The following DYNC1H1 variants were observed in gnomAD, a reference collection of about 807,000 sequenced individuals.
The protein encoded by DYNC1H1 is dynein cytoplasmic 1 heavy chain 1, also known as cytoplasmic dynein 1 heavy chain 1.
A neutral mutation model predicts 527.1 loss-of-function variants in DYNC1H1; 51 were observed. The observed-to-expected ratio is 0.10, with a 90% confidence interval of 0.08 to 0.12. DYNC1H1 has a LOEUF of 0.12. Among genes scored for constraint, DYNC1H1 ranks in the 10% least tolerant of loss-of-function variants. The probability of loss-of-function intolerance (pLI) is 1.00; values close to 1 mark genes in which losing one functional copy is unlikely to be tolerated. For missense variants in DYNC1H1, 2,771 were observed against 5,971.8 expected, an observed-to-expected ratio of 0.46 and a Z score of 17.66; for synonymous variants, 2,189 against 2,278.8, an observed-to-expected ratio of 0.96 and a Z score of 1.12.
chr14:102,049,697 G>C lies in DYNC1H1; in HGVS notation c.13516-17G>C, dbSNP rs769550484. ...CTGACCTGAGCTCCTTCCCCTGGGG[G>C]CTGCTGCTTTCCACAGAACATCCAC... On this transcript the variant is annotated splice_polypyrimidine_tract_variant and intron_variant, in intron 75 of 77. Transcript: ENST00000360184. The surrounding 1 kb of genome is among the most constrained non-coding windows in gnomAD (Gnocchi z 5.5). 1 of 1,613,894 alleles carries C rather than the reference G, an allele frequency of 6.2e-7. No homozygotes were observed. Among genetic ancestry groups the C allele is most frequent in the South Asian group, 1.1e-5 (1 of 91,080 alleles).
chr14:102,047,033 G>A (rs2048728773), intron 72 of DYNC1H1, among the ~76,000 whole-genome samples: 1 of 152,202 alleles, frequency 6.6e-6, no homozygotes, highest in East Asian at 1.9e-4. Flanking sequence ...GAGCTCTAGA[G>A]ATGCTCCCGC....
At position 102,052,452 on chromosome 14, in the gene DYNC1H1, A is replaced by G. The variant is rs763995710; in HGVS notation, c.*1889A>G. 1 of 152,280 alleles carries G rather than the reference A, an allele frequency of 6.6e-6. No homozygotes were observed. The highest frequency in any genetic ancestry group is 1.5e-5 in the Non-Finnish European group (1 of 68,118). The allele number at this position is 152,280 out of a possible 1,614,324, so 9.4% of individuals were successfully genotyped here. On this transcript the variant is annotated 3_prime_UTR_variant, in exon 78 of 78. Transcript: ENST00000360184. ...CCAGCCCCTAAAAACATTTATGTGC[A>G]TCGACATCAGCTTTGATCAGAAGAG...
intron 23 of DYNC1H1, among the ~76,000 whole-genome samples, chr14:102,003,552 C>T (rs888253067): frequency 6.6e-6 from 1 of 152,210 alleles, no homozygotes; most frequent in Non-Finnish European, 1.5e-5. Context: ...TGAGCCACTG[C>T]ACCCAGCCTC....
chr14:102,033,885 C>G lies in DYNC1H1; in HGVS notation c.10414-91C>G. The G allele has an allele frequency of 6.9e-7, 1 of 1,450,602 alleles. No individual in the cohort carries two copies. Among genetic ancestry groups the G allele is most frequent in the South Asian group, 1.2e-5 (1 of 85,686 alleles). The allele number at this position is 1,450,602 out of a possible 1,614,324, so 89.9% of individuals were successfully genotyped here. ...GCACGTTTCTAACCCACCCAAAACC[C>G]TGCACATAATGTGGATGAACCGATT... On this transcript the variant is annotated intron_variant, in intron 54 of 77. Coordinates refer to ENST00000360184, the MANE Select transcript of DYNC1H1 (RefSeq NM_001376.5). This position sits in a 1 kb window ranked among gnomAD's most constrained non-coding sequence, Gnocchi z 5.6.
chr14:102,041,938 C>T lies in DYNC1H1; in HGVS notation c.12103-75C>T, dbSNP rs184463154. The T allele has an allele frequency of 5.6e-4, 872 of 1,550,308 alleles. No individual in the cohort carries two copies. The highest frequency in any genetic ancestry group is 1.4e-3 in the East Asian group (61 of 44,170). On this transcript the variant is annotated intron_variant, in intron 65 of 77. Transcript: ENST00000360184. This position sits in a 1 kb window ranked among gnomAD's most constrained non-coding sequence, Gnocchi z 4.5. The stretch of plus-strand genomic sequence containing the variant: ...AGAACATCTTCTCAGGCCCCTCACT[C>T]GGGGCTCTCCTTTCCCTTGACAGGT...
Position 102,027,469 on chromosome 14 carries a change from A to C in DYNC1H1, c.8973A>C (p.Ala2991=). ...CTGGCTGTAAAAATGAAAAGATAGC[A>C]TTTATAATGGATGAATCTAATGTGT... The part of the protein sequence containing the change: ...RRSGCKNEKI[A]FIMDESNVLD... The change falls in exon 46 of 78, where the codon GCA becomes GCC. Residue 2991 remains alanine (A), a synonymous_variant. Transcript: ENST00000360184. This position sits in a 1 kb window ranked among gnomAD's most constrained non-coding sequence, Gnocchi z 7.7. The C allele has an allele frequency of 1.2e-6, 2 of 1,614,120 alleles. No homozygotes were observed. The highest frequency in any genetic ancestry group is 1.7e-6 in the Non-Finnish European group (2 of 1,180,030).
chr14:102,044,704 C>T lies in DYNC1H1; in HGVS notation c.13006+6C>T. The T allele has an allele frequency of 6.2e-7, 1 of 1,613,298 alleles. No individual in the cohort carries two copies. Among genetic ancestry groups the T allele is most frequent in the Non-Finnish European group, 8.5e-7 (1 of 1,179,954 alleles). On this transcript the variant is annotated splice_donor_region_variant and intron_variant, in intron 72 of 77. Coordinates refer to ENST00000360184, the MANE Select transcript of DYNC1H1 (RefSeq NM_001376.5). This position sits in a 1 kb window ranked among gnomAD's most constrained non-coding sequence, Gnocchi z 7.1. ...AGTCCTCCTTACCACACAGGGTAGG[C>T]AACAAGGATCCTCCCCACACGCAGG...
At chr14:101,988,496 C>G (rs1370012979) in intron 9 of DYNC1H1, among the ~76,000 whole-genome samples, 1 of 152,148 alleles carries the variant, frequency 6.6e-6, no homozygotes, top group Non-Finnish European at 1.5e-5. Context: ...ATTGGTGATT[C>G]AGTATCCAAA....
In DYNC1H1 at chr14:101,970,470, G is replaced by GTTTTTTTTTTTTTTTTTT. The variant is rs1324948272; in HGVS notation, c.257-5240_257-5239insTTTTTTTTTTTTTTTTTT. On this transcript the variant is annotated intron_variant, in intron 1 of 77. Transcript: ENST00000360184. The stretch of plus-strand genomic sequence containing the variant: ...GTGGTATTAGTATGTTTGGTTTGTT[G>GTTTTTTTTTTTTTTTTTT]TTGTTTTTTTTTTTTTTTTTTTTTT... Among the ~76,000 whole-genome samples the GTTTTTTTTTTTTTTTTTT allele has an allele frequency of 3.1e-5, 3 of 96,276 alleles. 1 individual carries two copies. Among genetic ancestry groups the GTTTTTTTTTTTTTTTTTT allele is most frequent in the Non-Finnish European group, 6.0e-5 (3 of 49,676 alleles). 63.2% of individuals were successfully genotyped at this position (96,276 alleles called of 152,430 possible).
rs1251060470 is a variant in DYNC1H1 at position 102,056,255 on chromosome 14, TCTGA to T, written c.*5695_*5698del. ...GACTCCCTGCTCTGTTCTGTTTCAC[TCTGA>T]CTACCAGTGCATGAAACCCCTGTCA... is the stretch of plus-strand genomic sequence containing the variant. On this transcript the variant is annotated 3_prime_UTR_variant, in exon 78 of 78. Coordinates refer to ENST00000360184, the MANE Select transcript of DYNC1H1 (RefSeq NM_001376.5). 2.0e-5 allele frequency: 3 copies of T among 152,248 alleles called. No homozygotes were observed. The highest frequency in any genetic ancestry group is 6.5e-5 in the Admixed American group (1 of 15,280). 9.4% of individuals were successfully genotyped at this position (152,248 alleles called of 1,614,324 possible).
rs1430680686 is a variant in DYNC1H1, at chr14:102,015,990, C to T, written c.7377C>T (p.Phe2459=). 3 of 1,613,938 alleles carry T rather than the reference C, an allele frequency of 1.9e-6. No individual in the cohort carries two copies. The highest frequency in any genetic ancestry group is 3.3e-5 in the Admixed American group (2 of 60,024). The change falls in exon 36 of 78, where the codon TTC becomes TTT. Residue 2459 remains phenylalanine (F), a synonymous_variant. Transcript: ENST00000360184. The surrounding 1 kb of genome is among the most constrained non-coding windows in gnomAD (Gnocchi z 6.9). ...LTRLRCLGSL[F]SMLHQACRNV... is the part of the protein sequence containing the mutation. ...GCCTGCGCTGCCTGGGCTCGCTCTT[C>T]TCCATGCTGCACCAGGCCTGCCGCA...
At chr14:101,975,568 T>C in intron 1 of DYNC1H1, 144 bp from the exon 2 acceptor site, 2 of 737,848 alleles carry the variant, frequency 2.7e-6, no homozygotes, top group Non-Finnish European at 4.6e-6. Flanking sequence ...AAAAAACGGA[T>C]AGGAAGGGAA....
chr14:102,047,645 A>G lies in DYNC1H1; in HGVS notation c.13007-172A>G, dbSNP rs556944999. 0.027 allele frequency: 7,134 copies of G among 266,196 alleles called. 431 individuals carry two copies. Among genetic ancestry groups the G allele is most frequent in the Middle Eastern group, 0.087 (71 of 814 alleles). The allele number at this position is 266,196 out of a possible 1,614,324, so 16.5% of individuals were successfully genotyped here. The stretch of plus-strand genomic sequence containing the variant: ...CGTGTGTGTGTGTGTGTGTGTGTAT[A>G]TATATATATATATATATATGTACAC... On this transcript the variant is annotated intron_variant, in intron 72 of 77. Coordinates refer to ENST00000360184, the MANE Select transcript of DYNC1H1 (RefSeq NM_001376.5).
At chr14:102,050,009 T>G in intron 76 of DYNC1H1, 62 bp from the exon 77 acceptor site, 1 of 1,614,192 alleles carries the variant, frequency 6.2e-7, no homozygotes, top group Non-Finnish European at 8.5e-7. Flanking sequence ...GGGCGCCCTG[T>G]GACTGGGGTT....
chr14:101,995,718 A>G (rs1230927074), intron 15 of DYNC1H1, among the ~76,000 whole-genome samples: 1 of 152,022 alleles, frequency 6.6e-6, no homozygotes, highest in African/African-American at 2.4e-5. Context: ...CTCTTTTCTT[A>G]GTATGGCCCA....
chr14:101,984,435 A>G (rs867813600), intron 7 of DYNC1H1, among the ~76,000 whole-genome samples: 3,329 of 112,674 alleles, frequency 0.03, 134 homozygotes, highest in African/African-American at 0.12. Context: ...GTGTGTGTAT[A>G]TATATATATA....
At chr14:101,998,670 C>T (rs1050088090) in intron 16 of DYNC1H1, among the ~76,000 whole-genome samples, 1 of 152,124 alleles carries the variant, frequency 6.6e-6, no homozygotes, top group African/African-American at 2.4e-5. Flanking sequence ...CGTTTCCGTG[C>T]TGCTGGGCCC....
chr14:101,964,664 G>A lies in DYNC1H1; in HGVS notation c.-28G>A, dbSNP rs1314755386. On this transcript the variant is annotated 5_prime_UTR_variant, in exon 1 of 78. Transcript: ENST00000360184. The surrounding 1 kb of genome is among the most constrained non-coding windows in gnomAD (Gnocchi z 5.5). ...GCTGAGTCGCGGCCGCCTTCTCATC[G>A]CTCCTGGAAGGTCCCGAGCGCGACA... The A allele has an allele frequency of 1.3e-6, 2 of 1,570,536 alleles. No individual in the cohort carries two copies. The highest frequency in any genetic ancestry group is 1.7e-6 in the Non-Finnish European group (2 of 1,164,448).
At position 102,011,138 on chromosome 14, in the gene DYNC1H1, A is replaced by G; in HGVS notation, c.6618+186A>G. ...TTGTTGTTGTTTAAATGAAGAGGAA[A>G]CAATACTTAACCTGAAAATTTTACA... On this transcript the variant is annotated intron_variant, in intron 32 of 77. Coordinates refer to ENST00000360184, the MANE Select transcript of DYNC1H1 (RefSeq NM_001376.5). This position sits in a 1 kb window ranked among gnomAD's most constrained non-coding sequence, Gnocchi z 5.3. 1 of 677,938 alleles carries G rather than the reference A, an allele frequency of 1.5e-6. No homozygotes were observed. Among genetic ancestry groups the G allele is most frequent in the Non-Finnish European group, 2.6e-6 (1 of 383,428 alleles). 42.0% of individuals were successfully genotyped at this position (677,938 alleles called of 1,614,324 possible).
Sources: gnomAD v4.1 joint callset for allele counts (sites outside exome capture counted in the v4.1 genomes callset) on GRCh38, gnomAD v4.1.1 for gene constraint, Gnocchi (gnomAD v3.1) non-coding constraint, MANE v1.5 for transcripts, NCBI Gene and HGNC (gene_info 2026-07-23, HGNC 2026-07-21) for gene names.